Variants in FBXO36 observed in about 807,000 individuals in gnomAD.
The protein encoded by FBXO36 is F-box protein 36.
In FBXO36, 18 loss-of-function variants were observed where a neutral mutation model predicts 17.0. That is an observed-to-expected ratio of 1.06 (90% CI 0.73 to 1.57). FBXO36 has a LOEUF of 1.57. Among genes scored for constraint, FBXO36 ranks in the 40% most tolerant of loss-of-function variants. The probability of loss-of-function intolerance (pLI) is 0.00; values close to 1 mark genes in which losing one functional copy is unlikely to be tolerated. For missense variants in FBXO36, 229 were observed against 221.9 expected (o/e 1.03, Z -0.20); for synonymous variants, 83 against 85.3 (o/e 0.97, Z 0.15).
chr2:229,956,545 A>G (rs558676821), intron 1 of FBXO36, among the ~76,000 whole-genome samples: 2 of 152,250 alleles, frequency 1.3e-5, no homozygotes, highest in African/African-American at 4.8e-5. Flanking sequence ...TTTGAGGGAG[A>G]GAAAGAATGG....
At chr2:229,998,474 T>C (rs2077339270) in intron 3 of FBXO36, among the ~76,000 whole-genome samples, 1 of 152,004 alleles carries the variant, frequency 6.6e-6, no homozygotes, top group Non-Finnish European at 1.5e-5. Context: ...AATACAAAAT[T>C]AGCCAAGCGT....
chr2:229,943,558 TA>T (rs561955553), intron 1 of FBXO36, among the ~76,000 whole-genome samples: 237 of 144,888 alleles, frequency 1.6e-3, no homozygotes, highest in African/African-American at 3.9e-3. Flanking sequence ...GTTATCAAAT[TA>T]AAAAAAAAAA....
At chr2:229,945,826 C>T (rs2077023966) in intron 1 of FBXO36, among the ~76,000 whole-genome samples, 2 of 151,372 alleles carry the variant, frequency 1.3e-5, no homozygotes, top group Admixed American at 1.3e-4. Context: ...AGTTTGAGAC[C>T]AGCCTGGCCA....
intron 3 of FBXO36, among the ~76,000 whole-genome samples, chr2:230,003,230 A>G (rs2077369624): frequency 6.6e-6 from 1 of 151,794 alleles, no homozygotes; most frequent in Non-Finnish European, 1.5e-5. Flanking sequence ...AAAAAAAAAA[A>G]AAGTTCTTTT....
intron 2 of FBXO36, among the ~76,000 whole-genome samples, chr2:229,984,230 C>CAACTCCTCAAACT (rs1257022762): frequency 4.6e-5 from 7 of 151,346 alleles, no homozygotes; most frequent in Non-Finnish European, 4.4e-5. Context: ...TGCCTGTAGT[C>CAACTCCTCAAACT]CCAGCTACTC....
At position 229,922,621 on chromosome 2, in the gene FBXO36, C is replaced by T. The variant is rs1256455276; in HGVS notation, c.96+12C>T. The T allele has an allele frequency of 6.2e-7, 1 of 1,613,392 alleles. No homozygotes were observed. Among genetic ancestry groups the T allele is most frequent in the Non-Finnish European group, 8.5e-7 (1 of 1,179,536 alleles). On this transcript the variant is annotated intron_variant, in intron 1 of 3. Transcript: ENST00000283946. ...TCACCCGGTCTCAGGCAAGTGCGAGCCGCGGTTTACCCTCTCTCCTAACTC... is the reference window on the plus strand; with the variant it reads ...TCACCCGGTCTCAGGCAAGTGCGAGTCGCGGTTTACCCTCTCTCCTAACTC...
intron 2 of FBXO36, among the ~76,000 whole-genome samples, chr2:229,986,682 C>A (rs924040939): frequency 6.6e-6 from 1 of 151,244 alleles, no homozygotes; most frequent in Non-Finnish European, 1.5e-5. Flanking sequence ...CTACAGGCAC[C>A]CACCACCATG....
intron 1 of FBXO36, among the ~76,000 whole-genome samples, chr2:229,941,362 G>A (rs2076997884): frequency 1.3e-5 from 2 of 152,156 alleles, no homozygotes; most frequent in Admixed American, 1.3e-4. Context: ...GGCTGAGGCA[G>A]GAGAATTGCT....
intron 1 of FBXO36, among the ~76,000 whole-genome samples, chr2:229,957,639 T>G (rs137872857): frequency 6.6e-5 from 10 of 152,140 alleles, no homozygotes; most frequent in African/African-American, 2.4e-4. Context: ...AGGATGCATT[T>G]GAAGCAAGCA....
chr2:229,943,647 G>C (rs2077011705), intron 1 of FBXO36, among the ~76,000 whole-genome samples: 1 of 152,148 alleles, frequency 6.6e-6, no homozygotes, highest in South Asian at 2.1e-4. Flanking sequence ...CTGGCCCGTG[G>C]GCAACCTTGC....
At chr2:229,985,543 T>G (rs2077264053) in intron 2 of FBXO36, among the ~76,000 whole-genome samples, 1 of 152,142 alleles carries the variant, frequency 6.6e-6, no homozygotes, top group Non-Finnish European at 1.5e-5. Context: ...TCAGCCTTGA[T>G]CTCTAGCTTC....
chr2:230,010,087 C>A (rs1010006167), intron 3 of FBXO36, among the ~76,000 whole-genome samples: 1 of 152,028 alleles, frequency 6.6e-6, no homozygotes, highest in African/African-American at 2.4e-5. Flanking sequence ...CATGGAGAAA[C>A]CCTGTCTCTA....
chr2:229,967,030 G>T (rs2077157050), intron 1 of FBXO36, among the ~76,000 whole-genome samples: 1 of 152,156 alleles, frequency 6.6e-6, no homozygotes, highest in South Asian at 2.1e-4. Context: ...TCTTCCATTT[G>T]TTGGTATCCT....
chr2:229,959,567 T>G (rs2077109934), intron 1 of FBXO36, among the ~76,000 whole-genome samples: 1 of 151,956 alleles, frequency 6.6e-6, no homozygotes, highest in Admixed American at 6.6e-5. Context: ...CAAAGTAGGC[T>G]GGGCGCGGTG....
intron 1 of FBXO36, among the ~76,000 whole-genome samples, chr2:229,975,810 T>C (rs539509859): frequency 9.8e-4 from 50 of 50,934 alleles, no homozygotes; most frequent in Admixed American, 1.4e-3. Context: ...TTTTTTTTGG[T>C]GGGGGGGCGG....
chr2:229,989,819 C>T (rs559212252), intron 2 of FBXO36, among the ~76,000 whole-genome samples: 9 of 151,774 alleles, frequency 5.9e-5, no homozygotes, highest in East Asian at 5.8e-4. Flanking sequence ...GTGATCCACC[C>T]GCCTCGGCCT....
intron 1 of FBXO36, among the ~76,000 whole-genome samples, chr2:229,961,562 G>A (rs1418903609): frequency 3.3e-5 from 5 of 152,048 alleles, no homozygotes; most frequent in Non-Finnish European, 5.9e-5. Flanking sequence ...TTTTAGTAGA[G>A]ACGGGGTTTC....
chr2:230,007,118 A>T (rs1255859206), intron 3 of FBXO36, among the ~76,000 whole-genome samples: 2 of 152,236 alleles, frequency 1.3e-5, no homozygotes, highest in African/African-American at 4.8e-5. Context: ...CAAGTTCACC[A>T]AGGTGTGCTG....
At chr2:229,930,925 C>T (rs1349363647) in intron 1 of FBXO36, among the ~76,000 whole-genome samples, 1 of 152,106 alleles carries the variant, frequency 6.6e-6, no homozygotes, top group Non-Finnish European at 1.5e-5. Flanking sequence ...CCCTTCCCTG[C>T]CCTACAGGTT....
Sources: gnomAD v4.1 joint callset for allele counts (sites outside exome capture counted in the v4.1 genomes callset) on GRCh38, gnomAD v4.1.1 for gene constraint, MANE v1.5 for transcripts, NCBI Gene and HGNC (gene_info 2026-07-23, HGNC 2026-07-21) for gene names.